MECOM: variants seen among roughly 807,000 people sequenced by gnomAD.
MECOM encodes the protein histone-lysine N-methyltransferase MECOM.
A neutral mutation model predicts 116.3 loss-of-function variants in MECOM; 13 were observed. That is an observed-to-expected ratio of 0.11 (90% CI 0.07 to 0.18). The LOEUF (loss-of-function observed/expected upper bound fraction) is 0.18, where lower values mean the gene tolerates loss of function less well. Among genes scored for constraint, MECOM ranks in the 10% least tolerant of loss-of-function variants. MECOM has a pLI of 1.00. For synonymous variants in MECOM, 528 were observed against 535.2 expected (o/e 0.99, Z 0.19); for missense variants, 1,299 against 1,509.0 (o/e 0.86, Z 2.31).
Position 169,107,915 on chromosome 3 carries a change from A to G in MECOM, c.2604+11T>C. The G allele has an allele frequency of 1.2e-6, 2 of 1,611,030 alleles. No individual in the cohort carries two copies. Among genetic ancestry groups the G allele is most frequent in the South Asian group, 2.2e-5 (2 of 90,374 alleles). The stretch of plus-strand genomic sequence containing the variant: ...CATCACTTTAGTCAAAAATATAAGT[A>G]GGAAACTTACCCAAGTTCTCTGATC... On this transcript the variant is annotated intron_variant, in intron 10 of 16. Transcript: ENST00000651503.
intron 2 of MECOM, among the ~76,000 whole-genome samples, chr3:169,286,842 G>A (rs1252950354): frequency 2.0e-5 from 3 of 152,072 alleles, no homozygotes; most frequent in Non-Finnish European, 2.9e-5. Context: ...GAAGAACCCA[G>A]AAGCTGTTCT....
At chr3:169,297,491 C>T (rs1007634910) in intron 2 of MECOM, among the ~76,000 whole-genome samples, 3 of 150,946 alleles carry the variant, frequency 2.0e-5, no homozygotes, top group Admixed American at 1.3e-4. Flanking sequence ...ATTCTATTGA[C>T]CATGTAAGGT....
At chr3:169,521,016 C>T (rs1490711533) in intron 1 of MECOM, among the ~76,000 whole-genome samples, 1 of 152,080 alleles carries the variant, frequency 6.6e-6, no homozygotes, top group African/African-American at 2.4e-5. Context: ...AGATGAAGCT[C>T]AATAAATGGG....
At chr3:169,590,627 A>G (rs1316189956) in intron 1 of MECOM, among the ~76,000 whole-genome samples, 2 of 152,218 alleles carry the variant, frequency 1.3e-5, no homozygotes, top group Non-Finnish European at 2.9e-5. Flanking sequence ...TTCTATATGC[A>G]TATTTCATTT....
At chr3:169,395,434 G>C (rs909817530) in intron 1 of MECOM, among the ~76,000 whole-genome samples, 1 of 152,074 alleles carries the variant, frequency 6.6e-6, no homozygotes, top group Non-Finnish European at 1.5e-5. Flanking sequence ...CTGCTTAAAG[G>C]TACGGTAAAA....
At chr3:169,481,489 G>A (rs994496935) in intron 1 of MECOM, among the ~76,000 whole-genome samples, 1 of 151,878 alleles carries the variant, frequency 6.6e-6, no homozygotes, top group African/African-American at 2.4e-5. Flanking sequence ...GGAGGCAGGG[G>A]GTGCAGTAAG....
intron 1 of MECOM, among the ~76,000 whole-genome samples, chr3:169,640,734 G>C (rs145280742): frequency 6.6e-6 from 1 of 152,150 alleles, no homozygotes; most frequent in South Asian, 2.1e-4. Flanking sequence ...AATGTCCAAG[G>C]TCTCAGAGCT....
chr3:169,199,385 G>A lies in MECOM; in HGVS notation c.376-55553C>T, dbSNP rs117270414. On this transcript the variant is annotated intron_variant, in intron 2 of 16. Transcript: ENST00000651503. ...AAAATGGTGGAGAAAAATGGAAGAGGAAACATGTTAACTTCTTTTCTTTTG... is the reference window on the plus strand; with the variant it reads ...AAAATGGTGGAGAAAAATGGAAGAGAAAACATGTTAACTTCTTTTCTTTTG... 3.5e-3 allele frequency among the ~76,000 whole-genome samples: 532 copies of A among 152,046 alleles called. 16 individuals are homozygous for A. In the East Asian group the frequency reaches 0.073, roughly 21 times the overall value.
intron 2 of MECOM, among the ~76,000 whole-genome samples, chr3:169,167,627 C>T (rs1743791336): frequency 6.6e-6 from 1 of 152,162 alleles, no homozygotes; most frequent in Admixed American, 6.5e-5. Flanking sequence ...TCTTCTAACT[C>T]CTCCTCCATA....
intron 1 of MECOM, among the ~76,000 whole-genome samples, chr3:169,433,671 AAGAAAGAAAGAAAGAAAGAG>A (rs1178109225): frequency 6.8e-6 from 1 of 147,796 alleles, no homozygotes; most frequent in African/African-American, 2.5e-5. Context: ...GAAAGAAAGA[AAGAAAGAAAGAAAGAAAGAG>A]AAAGAAAGAA....
intron 2 of MECOM, chr3:169,146,307 G>A: frequency 7.9e-7 from 1 of 1,270,054 alleles, no homozygotes; most frequent in Non-Finnish European, 1.0e-6. Context: ...TTGGCAAGGT[G>A]GAACTCGGCC....
At chr3:169,191,010 G>A (rs1747454716) in intron 2 of MECOM, among the ~76,000 whole-genome samples, 1 of 151,974 alleles carries the variant, frequency 6.6e-6, no homozygotes, top group Non-Finnish European at 1.5e-5. Context: ...TTGGTGCACT[G>A]TTTCAGATAC....
chr3:169,454,713 G>A (rs1184280546), intron 1 of MECOM, among the ~76,000 whole-genome samples: 1 of 151,934 alleles, frequency 6.6e-6, no homozygotes. Flanking sequence ...TTATTCAAAA[G>A]TTTAAAAACT....
chr3:169,551,616 A>G (rs1761414573), intron 1 of MECOM, among the ~76,000 whole-genome samples: 2 of 152,224 alleles, frequency 1.3e-5, no homozygotes, highest in Admixed American at 6.5e-5. Context: ...ATATTTGGGA[A>G]TGATGCAGCT....
At chr3:169,507,175 C>G (rs1755344749) in intron 1 of MECOM, among the ~76,000 whole-genome samples, 1 of 152,220 alleles carries the variant, frequency 6.6e-6, no homozygotes, top group African/African-American at 2.4e-5. Flanking sequence ...TGGTTTATCA[C>G]TTTGGCTCCA....
chr3:169,106,484 A>G (rs1447125094), intron 10 of MECOM, among the ~76,000 whole-genome samples: 1 of 152,166 alleles, frequency 6.6e-6, no homozygotes, highest in Non-Finnish European at 1.5e-5. Context: ...AATTATAAAC[A>G]TATATCTTTA....
chr3:169,133,912 C>G (rs1191619504), intron 3 of MECOM: 1 of 1,288,938 alleles, frequency 7.8e-7, no homozygotes, highest in Non-Finnish European at 1.0e-6. Context: ...TTTGAATCAC[C>G]TCTTTTTTTG....
chr3:169,382,871 A>AAT (rs1341465533), intron 1 of MECOM, among the ~76,000 whole-genome samples: 1,904 of 63,050 alleles, frequency 0.03, 103 homozygotes, highest in Middle Eastern at 0.067. Context: ...AAAATAAAAA[A>AAT]AATAAAAAAA....
intron 2 of MECOM, among the ~76,000 whole-genome samples, chr3:169,179,162 C>T (rs1336877434): frequency 1.3e-5 from 2 of 152,156 alleles, no homozygotes; most frequent in Admixed American, 1.3e-4. Flanking sequence ...GCTTTCTTTT[C>T]TCTATATATA....
Sources: allele counts gnomAD v4.1 joint callset (sites outside exome capture counted in the v4.1 genomes callset), GRCh38; gene constraint gnomAD v4.1.1; transcripts MANE v1.5; gene names NCBI Gene and HGNC (gene_info 2026-07-23, HGNC 2026-07-21).